ECEL1: variants seen among roughly 807,000 people sequenced by gnomAD.
ECEL1 encodes the protein endothelin-converting enzyme-like 1.
A neutral mutation model predicts 101.8 loss-of-function variants in ECEL1; 87 were observed. The observed-to-expected ratio is 0.85, with a 90% CI of 0.72 to 1.02. The LOEUF (loss-of-function observed/expected upper bound fraction) is 1.02, where lower values mean the gene tolerates loss of function less well. Ranked by LOEUF, ECEL1 falls within the 50% of genes least tolerant of loss-of-function variation. The pLI is 0.00. For synonymous variants in ECEL1, 487 were observed against 468.7 expected (o/e 1.04, Z -0.50); for missense variants, 1,032 against 1,079.2 (o/e 0.96, Z 0.61).
intron 7 of ECEL1, 66 bp from the exon 8 acceptor site, chr2:232,483,580 G>C: frequency 2.1e-6 from 3 of 1,395,762 alleles, no homozygotes; most frequent in Non-Finnish European, 2.9e-6. Context: ...CCTGGCAGGA[G>C]GGGTACCCCT....
At chr2:232,481,673 C>CCCG in intron 13 of ECEL1, 43 bp from the exon 14 acceptor site, 1 of 1,538,324 alleles carries the variant, frequency 6.5e-7, no homozygotes, top group Non-Finnish European at 8.8e-7. Flanking sequence ...TCACCTGAGC[C>CCCG]CCCTCCCCTC....
chr2:232,482,128 C>G (rs1348234306), intron 12 of ECEL1, among the ~76,000 whole-genome samples: 9 of 152,226 alleles, frequency 5.9e-5, no homozygotes, highest in Admixed American at 5.9e-4. Flanking sequence ...GAGGCACCTA[C>G]GTAGGGGTTT....
At position 232,479,953 on chromosome 2, in the gene ECEL1, C is replaced by A; in HGVS notation, c.*200G>T. 1.7e-6 allele frequency: 1 copy of A among 605,490 alleles called. No individual in the cohort carries two copies. Among genetic ancestry groups the A allele is most frequent in the South Asian group, 2.0e-5 (1 of 50,398 alleles). The allele number at this position is 605,490 out of a possible 1,614,324, so 37.5% of individuals were successfully genotyped here. On this transcript the variant is annotated 3_prime_UTR_variant, in exon 18 of 18. Transcript: ENST00000304546. ...AATCTGGGGACCCCAGTATATTTCC[C>A]TCACAGCCCCCCAAAGTCCAGCCTC...
In ECEL1 at chr2:232,483,163, A is replaced by AC. The variant is rs1309454377; in HGVS notation, c.1522dup (p.Val508GlyfsTer20). ...CAGGAAGTCCGGGTAGCCGACCATCACCATCATGTACTGGAGCTGCGGGCC... is the reference window on the plus strand; with the variant it reads ...CAGGAAGTCCGGGTAGCCGACCATCACCCATCATGTACTGGAGCTGCGGGCC... On this transcript the variant is annotated frameshift_variant, in exon 9 of 18. Transcript: ENST00000304546. LOFTEE classifies it high-confidence loss of function. 4.4e-6 allele frequency: 7 copies of AC among 1,605,944 alleles called. No homozygotes were observed. Among genetic ancestry groups the AC allele is most frequent in the Non-Finnish European group, 5.9e-6 (7 of 1,176,974 alleles).
At position 232,481,798 on chromosome 2, in the gene ECEL1, G is replaced by A. The variant is rs1400536538; in HGVS notation, c.1848C>T (p.His616=). ...AGGCCTCACCCCAGTCGTCGTAGCC[G>A]TGGGTCAGCTCATGTCCAATGATGG... ...IGTIIGHELT[H]GYDDWGGQYD... The change falls in exon 13 of 18, where the codon CAC becomes CAT. Residue 616 remains histidine, a synonymous_variant. Transcript: ENST00000304546. 20 of 1,613,728 alleles carry A rather than the reference G, an allele frequency of 1.2e-5. No individual in the cohort carries two copies. The highest frequency in any genetic ancestry group is 1.1e-4 in the East Asian group (5 of 44,866).
chr2:232,480,678 C>T (rs1338422192), intron 16 of ECEL1, 40 bp downstream of exon 16: 2 of 1,604,978 alleles, frequency 1.2e-6, no homozygotes, highest in Non-Finnish European at 1.7e-6. Flanking sequence ...TGCCGTGTCC[C>T]CACCCCAAGG....
At chr2:232,481,025 C>T in intron 15 of ECEL1, 66 bp downstream of exon 15, 1 of 1,537,778 alleles carries the variant, frequency 6.5e-7, no homozygotes, top group Non-Finnish European at 8.8e-7. Flanking sequence ...CTCTGTCCCT[C>T]ATCTGGAGTC....
intron 7 of ECEL1, 119 bp from the exon 8 acceptor site, chr2:232,483,633 CACCAAGAGGAT>C: frequency 1.2e-6 from 1 of 809,812 alleles, no homozygotes; most frequent in South Asian, 1.9e-5. Context: ...CATTTCTGAA[CACCAAGAGGAT>C]ACTTTGGAGG....
At chr2:232,487,189 C>A (rs1262469037) in intron 1 of ECEL1, among the ~76,000 whole-genome samples, 3 of 152,218 alleles carry the variant, frequency 2.0e-5, no homozygotes, top group Non-Finnish European at 4.4e-5. Flanking sequence ...CCGCGCTGGA[C>A]CCAGACAGAC....
Position 232,486,029 on chromosome 2 carries a change from C to T in ECEL1, c.625G>A (p.Gly209Arg). The T allele has an allele frequency of 2.5e-6, 4 of 1,608,968 alleles. No individual in the cohort carries two copies. The highest frequency in any genetic ancestry group is 1.3e-5 in the African/African-American group (1 of 74,960). ...TCCGCGCCGCCCAGGTCCCAGCCCC[C>T]GCAGTCCTCGATGACCTCTAGCATG... Reference protein sequence around the residue: ...RPMLEVIEDCGGWDLGGAEER... With the variant: ...RPMLEVIEDCRGWDLGGAEER... The change falls in exon 2 of 18, where the codon GGG becomes AGG. Residue 209 changes from glycine to arginine, a missense_variant. By Grantham distance (125) the Gly-to-Arg change is moderately radical (BLOSUM62 -2). Transcript: ENST00000304546.
rs1467560677 is a variant in ECEL1 at position 232,483,632 on chromosome 2, A to T, written c.1408-118T>A. On this transcript the variant is annotated intron_variant, in intron 7 of 17. Coordinates refer to ENST00000304546, the MANE Select transcript of ECEL1 (RefSeq NM_004826.4). ...TTCTAAGCCCAAACCTCATTTCTGAACACCAAGAGGATACTTTGGAGGTGA... is the reference window on the plus strand; with the variant it reads ...TTCTAAGCCCAAACCTCATTTCTGATCACCAAGAGGATACTTTGGAGGTGA... 5.1e-5 allele frequency: 41 copies of T among 811,482 alleles called. No individual in the cohort carries two copies. In the Admixed American group the frequency reaches 1.2e-3, roughly 23 times the overall value. The allele number at this position is 811,482 out of a possible 1,614,324, so 50.3% of individuals were successfully genotyped here.
chr2:232,481,167 G>A lies in ECEL1; in HGVS notation c.1990-11C>T, dbSNP rs751142741. On this transcript the variant is annotated splice_polypyrimidine_tract_variant and intron_variant, in intron 14 of 17. Coordinates refer to ENST00000304546, the MANE Select transcript of ECEL1 (RefSeq NM_004826.4). ...GTGTTTCCCGTTCACCTGCCGGGAA[G>A]GGAAGAGGCCAGGGGGCTGCTTGGG... The A allele has an allele frequency of 1.3e-6, 2 of 1,560,118 alleles. No individual in the cohort carries two copies. Among genetic ancestry groups the A allele is most frequent in the Non-Finnish European group, 8.7e-7 (1 of 1,152,120 alleles).
chr2:232,482,634 G>A (rs759248536), intron 10 of ECEL1, 26 bp from the exon 11 acceptor site: 6 of 1,597,318 alleles, frequency 3.8e-6, no homozygotes, highest in Admixed American at 1.7e-5. Context: ...GGGGTGAATG[G>A]GGGGAACACA....
At position 232,486,569 on chromosome 2, in the gene ECEL1, G is replaced by T. The variant is rs1156394573; in HGVS notation, c.85C>A (p.Arg29Ser). 4 of 1,378,968 alleles carry T rather than the reference G, an allele frequency of 2.9e-6. No homozygotes were observed. The highest frequency in any genetic ancestry group is 3.7e-6 in the Non-Finnish European group (4 of 1,069,644). 85.4% of individuals were successfully genotyped at this position (1,378,968 alleles called of 1,614,324 possible). Reference protein sequence around the residue: ...YVSRCGAGGARGASLPPGFPL... With the variant: ...YVSRCGAGGASGASLPPGFPL... ...AAGCCCGGGGGCAGGGAGGCCCCGC[G>T]CGCGCCCCCCGCGCCGCAGCGGCTC... Residue 29 changes from arginine to serine, a missense_variant, in exon 2 of 18, where the codon CGC becomes AGC. By Grantham distance (110) the Arg-to-Ser change is moderately radical. Coordinates refer to ENST00000304546, the MANE Select transcript of ECEL1 (RefSeq NM_004826.4).
In ECEL1 at chr2:232,485,940, C is replaced by A. The variant is rs759043769; in HGVS notation, c.714G>T (p.Val238=). 5 of 1,583,110 alleles carry A rather than the reference C, an allele frequency of 3.2e-6. No individual in the cohort carries two copies. Among genetic ancestry groups the A allele is most frequent in the East Asian group, 2.3e-5 (1 of 43,158 alleles). ...LNRLLYKAQG[V]YSAAALFSLT... Reference sequence around the variant, plus strand: ...GCGAGAAGAGCGCGGCGGCGCTGTACACGCCCTGCGCCTTGTACAGCAGCC... The same window carrying A: ...GCGAGAAGAGCGCGGCGGCGCTGTAAACGCCCTGCGCCTTGTACAGCAGCC... Residue 238 remains valine (V), a synonymous_variant, in exon 2 of 18, where the codon GTG becomes GTT. Coordinates refer to ENST00000304546, the MANE Select transcript of ECEL1 (RefSeq NM_004826.4).
At position 232,479,959 on chromosome 2, in the gene ECEL1, GC is replaced by G; in HGVS notation, c.*193del. 1 of 607,814 alleles carries G rather than the reference GC, an allele frequency of 1.6e-6. No individual in the cohort carries two copies. The highest frequency in any genetic ancestry group is 3.0e-5 in the Admixed American group (1 of 33,646). The allele number at this position is 607,814 out of a possible 1,614,324, so 37.7% of individuals were successfully genotyped here. A position where few individuals can be genotyped will look rare whatever the true frequency, so the allele number is the denominator to read the frequency against. ...GGGACCCCAGTATATTTCCCTCACA[GC>G]CCCCCAAAGTCCAGCCTCACCCTGC... On this transcript the variant is annotated 3_prime_UTR_variant, in exon 18 of 18. Transcript: ENST00000304546.
intron 2 of ECEL1, 146 bp from the exon 3 acceptor site, chr2:232,485,413 C>G: frequency 1.1e-6 from 1 of 949,678 alleles, no homozygotes; most frequent in Non-Finnish European, 1.6e-6. Context: ...CCTCTTTCCA[C>G]CCAGACGAGA....
chr2:232,481,587 C>G lies in ECEL1; in HGVS notation c.1908G>C (p.Thr636=), dbSNP rs148671826. The G allele has an allele frequency of 6.2e-7, 1 of 1,613,686 alleles. No individual in the cohort carries two copies. The change falls in exon 14 of 18, where the codon ACG becomes ACC. Residue 636 remains threonine (T), a synonymous_variant. Transcript: ENST00000304546. ...DRSGNLLHWW[T]EASYSRFLRK... ...GCAGGAAGCGGCTGTAGGAGGCCTCCGTCCACCAGTGCAGCAGGTTCCCTG... is the reference window on the plus strand; with the variant it reads ...GCAGGAAGCGGCTGTAGGAGGCCTCGGTCCACCAGTGCAGCAGGTTCCCTG...
rs374452811 is a variant in ECEL1, at chr2:232,486,313, G to A, written c.341C>T (p.Ala114Val). The A allele has an allele frequency of 1.3e-6, 2 of 1,584,840 alleles. No homozygotes were observed. Among genetic ancestry groups the A allele is most frequent in the Non-Finnish European group, 8.5e-7 (1 of 1,172,956 alleles). Residue 114 changes from alanine (A) to valine (V), a missense_variant, in exon 2 of 18, where the codon GCC becomes GTC. Transcript: ENST00000304546. Reference protein sequence around the residue: ...AFARAARFLAANLDASIDPCQ... With the variant: ...AFARAARFLAVNLDASIDPCQ... The stretch of plus-strand genomic sequence containing the variant: ...TGGGTCGATGCTGGCGTCCAGGTTG[G>A]CGGCCAGGAAGCGAGCGGCGCGCGC...
Sources: allele counts gnomAD v4.1 joint callset (sites outside exome capture counted in the v4.1 genomes callset), GRCh38; gene constraint gnomAD v4.1.1; transcripts MANE v1.5; gene names NCBI Gene and HGNC (gene_info 2026-07-23, HGNC 2026-07-21).